The following RMDN1 variants were observed in gnomAD, a reference collection of about 807,000 sequenced individuals.
RMDN1 encodes regulator of microtubule dynamics protein 1.
In RMDN1, 48 loss-of-function variants were observed where a neutral mutation model predicts 48.9. The ratio of observed to expected loss-of-function variants is 0.98; its 90% CI spans 0.78 to 1.25. The LOEUF (loss-of-function observed/expected upper bound fraction) is 1.25, where lower values mean the gene tolerates loss of function less well. Ranked by LOEUF, RMDN1 falls within the 50% of genes most tolerant of loss-of-function variation. The pLI is 0.00. For synonymous variants in RMDN1, 148 were observed against 132.6 expected (o/e 1.12, Z -0.80); for missense variants, 418 against 373.4 (o/e 1.12, Z -0.98).
At chr8:86,474,519 T>C in intron 9 of RMDN1, 161 bp from the exon 10 acceptor site, 1 of 691,752 alleles carries the variant, frequency 1.4e-6, no homozygotes, top group East Asian at 2.7e-5. Flanking sequence ...CTCTCAGCTC[T>C]TCCACTTTAG....
At chr8:86,509,227 C>T (rs1469302447), upstream of RMDN1, among the ~76,000 whole-genome samples, 2 of 151,970 alleles carry the variant, frequency 1.3e-5, no homozygotes, top group Non-Finnish European at 1.5e-5. Context: ...GAGGAACTAG[C>T]GGGAGGAGGC....
rs778442051 is a variant in RMDN1 at position 86,477,279 on chromosome 8, T to A, written c.760+15A>T. On this transcript the variant is annotated intron_variant, in intron 8 of 9. Coordinates refer to ENST00000406452, the MANE Select transcript of RMDN1 (RefSeq NM_016033.3). The stretch of plus-strand genomic sequence containing the variant: ...ATTTTAACTATATTAATATGTGTAA[T>A]CAAAAATACCTTACCTTGTTCTGCC... 1.5e-5 allele frequency: 23 copies of A among 1,586,112 alleles called. No individual in the cohort carries two copies. Among genetic ancestry groups the A allele is most frequent in the Non-Finnish European group, 1.8e-5 (21 of 1,162,964 alleles).
At position 86,472,576 on chromosome 8, in the gene RMDN1, C is replaced by A; in HGVS notation, c.*1732G>T. 1 of 680,510 alleles carries A rather than the reference C, an allele frequency of 1.5e-6. No homozygotes were observed. The highest frequency in any genetic ancestry group is 2.2e-5 in the Admixed American group (1 of 45,870). The allele number at this position is 680,510 out of a possible 1,614,324, so 42.2% of individuals were successfully genotyped here. ...TGCCATTGTTGTTGCCGTTTAACAGCTGATACAGGTTTCTGGTGATGCTAC... is the reference window on the plus strand; with the variant it reads ...TGCCATTGTTGTTGCCGTTTAACAGATGATACAGGTTTCTGGTGATGCTAC... On this transcript the variant is annotated 3_prime_UTR_variant, in exon 10 of 10. Coordinates refer to ENST00000406452, the MANE Select transcript of RMDN1 (RefSeq NM_016033.3).
In RMDN1 at chr8:86,494,240, G is replaced by C. The variant is rs1586711935; in HGVS notation, c.248-5601C>G. Among the ~76,000 whole-genome samples the C allele has an allele frequency of 2.6e-5, 4 of 152,292 alleles. No homozygotes were observed. The East Asian group carries it at 7.7e-4, about 29-fold the overall frequency. ...CTTAGCTCACTTAAGAGGTAGAAAA[G>C]AGAATGCTGGAAAGTGGCATAAAAA... On this transcript the variant is annotated intron_variant, in intron 2 of 9. Transcript: ENST00000406452.
intron 8 of RMDN1, among the ~76,000 whole-genome samples, chr8:86,475,594 TG>T (rs1198838692): frequency 2.6e-5 from 4 of 152,122 alleles, no homozygotes; most frequent in Non-Finnish European, 5.9e-5. Flanking sequence ...AGAACATTCT[TG>T]GCTGAAAGAA....
At chr8:86,510,698 T>C (rs956737802), upstream of RMDN1, among the ~76,000 whole-genome samples, 13 of 152,238 alleles carry the variant, frequency 8.5e-5, no homozygotes, top group Non-Finnish European at 1.9e-4. Flanking sequence ...TAATAAATGA[T>C]TGTTCCTGTT....
intron 3 of RMDN1, among the ~76,000 whole-genome samples, chr8:86,488,113 C>T (rs1815802942): frequency 6.6e-6 from 1 of 152,124 alleles, no homozygotes. Flanking sequence ...TTTGGTTTCT[C>T]TGAAAGACTA....
chr8:86,482,860 T>C, intron 5 of RMDN1: 2 of 1,157,642 alleles, frequency 1.7e-6, no homozygotes, highest in Non-Finnish European at 2.6e-6. Context: ...TTGCTGAACA[T>C]ACAGAAGGCC....
At chr8:86,469,193 C>A (rs1299725294), downstream of RMDN1, among the ~76,000 whole-genome samples, 2 of 151,740 alleles carry the variant, frequency 1.3e-5, no homozygotes, top group Non-Finnish European at 2.9e-5. Context: ...CCGCCCCCCC[C>A]ATGTACTTCC....
downstream of RMDN1, among the ~76,000 whole-genome samples, chr8:86,469,222 A>C (rs981232393): frequency 6.6e-6 from 1 of 151,634 alleles, no homozygotes; most frequent in Non-Finnish European, 1.5e-5. Flanking sequence ...TGAAAATGAA[A>C]AGGTTAACAA....
In RMDN1 at chr8:86,474,311, A is replaced by C; in HGVS notation, c.942T>G (p.Asn314Lys). The change falls in exon 10 of 10, where the codon AAT becomes AAG. Residue 314 changes from asparagine (N) to lysine (K), a missense_variant. Coordinates refer to ENST00000406452, the MANE Select transcript of RMDN1 (RefSeq NM_016033.3). ...AQLLTSFSEK[N>K] ...ATAAATCTTCTCTGAAAAGTTCTCA[A>C]TTCTTCTCACTGAAACTTGTAAGCA... 2 of 1,613,720 alleles carry C rather than the reference A, an allele frequency of 1.2e-6. No individual in the cohort carries two copies. The highest frequency in any genetic ancestry group is 8.5e-7 in the Non-Finnish European group (1 of 1,179,838).
At chr8:86,505,758 C>T (rs1000390297) in intron 2 of RMDN1, among the ~76,000 whole-genome samples, 17 of 152,052 alleles carry the variant, frequency 1.1e-4, no homozygotes, top group African/African-American at 4.1e-4. Context: ...GGGAGGTTAG[C>T]GTGCAATATG....
In RMDN1 at chr8:86,472,655, ATAT is replaced by A; in HGVS notation, c.*1650_*1652del. ...TTTTTCACTGTATCAGTGGTGTGTC[ATAT>A]TTTTTTTTTTGCCATCCTTGTTCCT... On this transcript the variant is annotated 3_prime_UTR_variant, in exon 10 of 10. Transcript: ENST00000406452. 1.8e-6 allele frequency: 1 copy of A among 561,710 alleles called. No homozygotes were observed. Among genetic ancestry groups the A allele is most frequent in the Non-Finnish European group, 3.1e-6 (1 of 319,118 alleles). The allele number at this position is 561,710 out of a possible 1,614,324, so 34.8% of individuals were successfully genotyped here. A position where few individuals can be genotyped will look rare whatever the true frequency, so the allele number is the denominator to read the frequency against.
At position 86,502,245 on chromosome 8, in the gene RMDN1, C is replaced by CT. The variant is rs555148989; in HGVS notation, c.247+4749dup. ...ACTAATTTTTTTTTAACTGGCAAGT[C>CT]TTTTTTTTTGAGACAAGGTCTTGCT... On this transcript the variant is annotated intron_variant, in intron 2 of 9. Coordinates refer to ENST00000406452, the MANE Select transcript of RMDN1 (RefSeq NM_016033.3). Among the ~76,000 whole-genome samples, 1,202 of 151,078 alleles carry CT rather than the reference C, an allele frequency of 8.0e-3. 6 individuals are homozygous for CT. Among genetic ancestry groups the CT allele is most frequent in the Non-Finnish European group, 0.013 (891 of 67,634 alleles).
chr8:86,504,821 A>C, intron 2 of RMDN1: 1 of 1,041,834 alleles, frequency 9.6e-7, no homozygotes, highest in South Asian at 1.3e-5. Context: ...CCAACTTCTT[A>C]GTCGGACTGC....
chr8:86,508,892 G>C (rs1359437422), upstream of RMDN1: 32 of 866,894 alleles, frequency 3.7e-5, no homozygotes, highest in East Asian at 1.2e-3. Flanking sequence ...CAGGCGCTCT[G>C]ACTTGTTTCT....
intron 4 of RMDN1, among the ~76,000 whole-genome samples, chr8:86,485,466 A>G (rs1014231853): frequency 7.9e-5 from 12 of 152,162 alleles, no homozygotes; most frequent in African/African-American, 2.9e-4. Flanking sequence ...GGGATAGGAC[A>G]TGTTTATAGA....
At position 86,508,617 on chromosome 8, in the gene RMDN1, C is replaced by A. The variant is rs141308396; in HGVS notation, c.4G>T (p.Ala2Ser). ...AGGCGCCACAGTCGAGCAGCCAGCG[C>A]CATGACCTGCAACTTGCGGGCTGAC... M[A>S]LAARLWRLLP... Residue 2 changes from alanine to serine, a missense_variant, in exon 1 of 10, where the codon GCG (alanine) becomes TCG (serine). Coordinates refer to ENST00000406452, the MANE Select transcript of RMDN1 (RefSeq NM_016033.3). The A allele has an allele frequency of 1.6e-4, 251 of 1,600,432 alleles. No individual in the cohort carries two copies. The African/African-American group carries it at 2.7e-3, about 17-fold the overall frequency.
chr8:86,488,760 A>AAC (rs1219983640), intron 2 of RMDN1, 121 bp from the exon 3 acceptor site: 16 of 533,220 alleles, frequency 3.0e-5, no homozygotes, highest in African/African-American at 2.9e-4. Flanking sequence ...TACAGAAATG[A>AAC]CCTACAATGA....
Sources: gnomAD v4.1 joint callset for allele counts (sites outside exome capture counted in the v4.1 genomes callset) on GRCh38, gnomAD v4.1.1 for gene constraint, MANE v1.5 for transcripts, NCBI Gene and HGNC (gene_info 2026-07-23, HGNC 2026-07-21) for gene names.